The following NTM variants were observed in gnomAD, a reference collection of about 807,000 sequenced individuals.
The protein encoded by NTM is neurotrimin.
NTM carries 13 observed loss-of-function variants against 42.1 expected under a neutral mutation model. That is an observed-to-expected ratio of 0.31 (90% CI 0.20 to 0.49). The LOEUF is 0.49. NTM is among the 20% of genes least tolerant of loss of function. NTM has a pLI of 0.99. For missense variants in NTM, 373 were observed against 452.8 expected, an observed-to-expected ratio of 0.82 and a Z score of 1.60; for synonymous variants, 187 against 179.2, an observed-to-expected ratio of 1.04 and a Z score of -0.35.
intron 1 of NTM, among the ~76,000 whole-genome samples, chr11:131,909,284 G>A (rs563303836): frequency 5.9e-5 from 9 of 152,308 alleles, no homozygotes; most frequent in South Asian, 2.1e-4. Flanking sequence ...TTGGTGAAAT[G>A]TTTGTGTCCT....
intron 1 of NTM, among the ~76,000 whole-genome samples, chr11:131,872,564 C>G (rs759279459): frequency 6.6e-6 from 1 of 152,128 alleles, no homozygotes; most frequent in Non-Finnish European, 1.5e-5. Flanking sequence ...GTAAATTTTG[C>G]AGAAGCCCAA....
chr11:131,760,152 T>C (rs1185940417), intron 1 of NTM, among the ~76,000 whole-genome samples: 1 of 151,984 alleles, frequency 6.6e-6, no homozygotes, highest in Non-Finnish European at 1.5e-5. Flanking sequence ...CAGCAAGGAG[T>C]TATGAGAAGA....
chr11:131,824,966 A>G (rs2041956837), intron 1 of NTM, among the ~76,000 whole-genome samples: 1 of 152,192 alleles, frequency 6.6e-6, no homozygotes, highest in Admixed American at 6.5e-5. Flanking sequence ...GGGCTGCTGT[A>G]GTAAAGTATT....
At chr11:132,035,114 T>C (rs10791190) in intron 2 of NTM, among the ~76,000 whole-genome samples, 84,329 of 152,062 alleles carry the variant, frequency 0.55, 24,134 homozygotes, top group East Asian at 0.83. Flanking sequence ...TTTAAAATGT[T>C]CCTTTCTAAA....
intron 6 of NTM, among the ~76,000 whole-genome samples, chr11:132,310,772 T>C (rs952411588): frequency 6.6e-6 from 1 of 152,132 alleles, no homozygotes; most frequent in African/African-American, 2.4e-5. Flanking sequence ...GAGAAGGGAC[T>C]ATTCCCTTCC....
chr11:131,568,319 C>CAGAGAATATTCTCTGTAGAATATTAG (rs1379211227), intron 1 of NTM, among the ~76,000 whole-genome samples: 1 of 152,192 alleles, frequency 6.6e-6, no homozygotes, highest in African/African-American at 2.4e-5. Context: ...ATATTAGATC[C>CAGAGAATATTCTCTGTAGAATATTAG]ATTCTACAGA....
chr11:132,229,329 A>G (rs2086967723), intron 4 of NTM, among the ~76,000 whole-genome samples: 1 of 152,188 alleles, frequency 6.6e-6, no homozygotes, highest in Non-Finnish European at 1.5e-5. Flanking sequence ...CTAACGTGCA[A>G]TATGGCCAAG....
chr11:131,798,850 G>T (rs552162095), intron 1 of NTM, among the ~76,000 whole-genome samples: 40 of 152,300 alleles, frequency 2.6e-4, no homozygotes, highest in Non-Finnish European at 5.0e-4. Flanking sequence ...GTGCTTTCAG[G>T]AAGCAGATGG....
At chr11:132,147,452 G>C (rs772431700) in intron 3 of NTM, among the ~76,000 whole-genome samples, 1 of 152,014 alleles carries the variant, frequency 6.6e-6, no homozygotes, top group Non-Finnish European at 1.5e-5. Context: ...TTCTGTAAAG[G>C]GGGTCAACGT....
At chr11:131,522,052 G>T (rs548205219) in intron 1 of NTM, among the ~76,000 whole-genome samples, 1 of 152,154 alleles carries the variant, frequency 6.6e-6, no homozygotes, top group African/African-American at 2.4e-5. Context: ...TATATGAAAA[G>T]ACTACAGTGG....
At chr11:131,906,713 A>C (rs961269431) in intron 1 of NTM, among the ~76,000 whole-genome samples, 3 of 151,970 alleles carry the variant, frequency 2.0e-5, no homozygotes, top group South Asian at 2.1e-4. Flanking sequence ...TGCTTTATGC[A>C]TCTCTTATAA....
chr11:131,673,420 C>T (rs1030308361), intron 1 of NTM, among the ~76,000 whole-genome samples: 5 of 152,122 alleles, frequency 3.3e-5, no homozygotes, highest in Admixed American at 6.5e-5. Flanking sequence ...TCTGCCAGCC[C>T]CCAGGCCTGT....
intron 1 of NTM, among the ~76,000 whole-genome samples, chr11:131,852,942 C>T (rs527661821): frequency 5.4e-4 from 82 of 151,548 alleles, no homozygotes; most frequent in South Asian, 1.3e-3. Context: ...ATCCATCCAC[C>T]CACCCATTCA....
intron 2 of NTM, among the ~76,000 whole-genome samples, chr11:132,041,942 T>A (rs563831725): frequency 6.6e-6 from 1 of 152,320 alleles, no homozygotes; most frequent in Admixed American, 6.5e-5. Context: ...TGTGAAACAA[T>A]GACTATTGTT....
intron 1 of NTM, among the ~76,000 whole-genome samples, chr11:131,411,665 A>C (rs1946442510): frequency 6.6e-6 from 1 of 151,156 alleles, no homozygotes; most frequent in African/African-American, 2.4e-5. Context: ...AATCAGGGGA[A>C]GGTGATATTC....
intron 8 of NTM, among the ~76,000 whole-genome samples, chr11:132,334,321 T>C (rs2095850010): frequency 6.6e-6 from 1 of 152,228 alleles, no homozygotes; most frequent in African/African-American, 2.4e-5. Flanking sequence ...CATCCCAGTG[T>C]CCTCATTGAT....
rs556619699 is a variant in NTM at position 131,443,651 on chromosome 11, A to G, written c.82+72763A>G. Among the ~76,000 whole-genome samples, 8 of 152,164 alleles carry G rather than the reference A, an allele frequency of 5.3e-5. No homozygotes were observed. In the South Asian group the frequency reaches 1.7e-3, roughly 32 times the overall value. On this transcript the variant is annotated intron_variant, in intron 1 of 8. Transcript: ENST00000683400. ...ATTCCCTTTCCTAACTGTGGGCTGG[A>G]CTTATTTATTCAATTTTAATGAGTA...
intron 1 of NTM, among the ~76,000 whole-genome samples, chr11:131,499,777 C>G (rs2046499793): frequency 6.6e-6 from 1 of 152,238 alleles, no homozygotes; most frequent in Admixed American, 6.5e-5. Context: ...CCTGAGCTCC[C>G]AAGCCAGATT....
Position 131,763,709 on chromosome 11 carries a change from C to CTTTTTTTTTTTTTTT in NTM, c.83-147843_83-147829dup, listed in dbSNP as rs557522093. Among the ~76,000 whole-genome samples the CTTTTTTTTTTTTTTT allele has an allele frequency of 8.3e-3, 592 of 71,314 alleles. 101 individuals are homozygous for CTTTTTTTTTTTTTTT. Among genetic ancestry groups the CTTTTTTTTTTTTTTT allele is most frequent in the East Asian group, 0.018 (37 of 2,084 alleles). The allele number at this position is 71,314 out of a possible 152,430, so 46.8% of individuals were successfully genotyped here. ...CTTATCCACAGGCCCATCTCTCTCT[C>CTTTTTTTTTTTTTTT]TTTTTTTTTTTTTTTTTTTTTTTTT... On this transcript the variant is annotated intron_variant, in intron 1 of 8. Transcript: ENST00000683400.
Sources: gnomAD v4.1 joint callset for allele counts (sites outside exome capture counted in the v4.1 genomes callset) on GRCh38, gnomAD v4.1.1 for gene constraint, MANE v1.5 for transcripts, NCBI Gene and HGNC (gene_info 2026-07-23, HGNC 2026-07-21) for gene names.